Variants in TFEC observed in about 807,000 individuals in gnomAD.
The protein encoded by TFEC is class E basic helix-loop-helix protein 34.
A neutral mutation model predicts 41.6 loss-of-function variants in TFEC; 31 were observed. The observed-to-expected ratio is 0.74, with a 90% CI of 0.56 to 1.01. TFEC has a LOEUF of 1.01. Ranked by LOEUF, TFEC falls within the 50% of genes least tolerant of loss-of-function variation. The probability of loss-of-function intolerance (pLI) is 0.00; values close to 1 mark genes in which losing one functional copy is unlikely to be tolerated. For synonymous variants in TFEC, 143 were observed against 140.6 expected, an observed-to-expected ratio of 1.02 and a Z score of -0.12; for missense variants, 402 against 404.1, an observed-to-expected ratio of 0.99 and a Z score of 0.04.
At chr7:116,061,464 T>C (rs1485296349) in intron 3 of TFEC, among the ~76,000 whole-genome samples, 1 of 152,084 alleles carries the variant, frequency 6.6e-6, no homozygotes, top group Admixed American at 6.6e-5. Flanking sequence ...TCAAAATGGA[T>C]CATAGACTTA....
intron 3 of TFEC, among the ~76,000 whole-genome samples, chr7:116,078,235 A>G (rs1475457033): frequency 6.6e-6 from 1 of 151,954 alleles, no homozygotes; most frequent in East Asian, 1.9e-4. Flanking sequence ...ATCAAAGAGT[A>G]TTAAAAAGCA....
chr7:116,034,094 T>A (rs1057502561), upstream of TFEC, among the ~76,000 whole-genome samples: 2 of 152,258 alleles, frequency 1.3e-5, no homozygotes, highest in East Asian at 3.9e-4. Context: ...ATGCCCTTTT[T>A]ATGGGTTTTC....
At chr7:116,012,933 A>G (rs1191844225) in intron 1 of TFEC, among the ~76,000 whole-genome samples, 1 of 151,942 alleles carries the variant, frequency 6.6e-6, no homozygotes, top group African/African-American at 2.4e-5. Context: ...TCATCAATTA[A>G]TGAAGTCATT....
At chr7:116,159,242 TAAG>T (rs886391268) in intron 1 of TFEC, among the ~76,000 whole-genome samples, 29 of 152,124 alleles carry the variant, frequency 1.9e-4, no homozygotes, top group African/African-American at 6.7e-4. Context: ...TGCCCTACTT[TAAG>T]AATATAGAAT....
At chr7:116,096,489 T>C (rs1201690271) in intron 3 of TFEC, among the ~76,000 whole-genome samples, 2 of 152,220 alleles carry the variant, frequency 1.3e-5, no homozygotes, top group African/African-American at 4.8e-5. Flanking sequence ...TTCATTGTTT[T>C]GGATTTTAGC....
At chr7:116,095,390 G>A (rs1419801771) in intron 3 of TFEC, among the ~76,000 whole-genome samples, 2 of 152,190 alleles carry the variant, frequency 1.3e-5, no homozygotes, top group Admixed American at 1.3e-4. Context: ...TGTAGCAAAT[G>A]TGCTAGCATG....
intron 2 of TFEC, among the ~76,000 whole-genome samples, chr7:115,974,921 G>A (rs537795892): frequency 6.6e-6 from 1 of 152,058 alleles, no homozygotes; most frequent in East Asian, 1.9e-4. Flanking sequence ...TACCAGGCAT[G>A]CTTCTAAGTG....
chr7:116,034,596 C>T (rs372346779), upstream of TFEC, among the ~76,000 whole-genome samples: 25 of 151,830 alleles, frequency 1.6e-4, 1 homozygote, highest in East Asian at 2.9e-3. Flanking sequence ...TCAAAGCTAA[C>T]CTCATCTCTC....
chr7:116,138,580 A>G (rs1798480285), intron 1 of TFEC, among the ~76,000 whole-genome samples: 1 of 152,220 alleles, frequency 6.6e-6, no homozygotes. Context: ...TGTCTAAGAG[A>G]CAGAATATAA....
intron 3 of TFEC, among the ~76,000 whole-genome samples, chr7:116,062,560 C>CACATATAT (rs1554411810): frequency 9.8e-6 from 1 of 101,684 alleles, no homozygotes; most frequent in Non-Finnish European, 2.0e-5. Context: ...GAGTAGTACT[C>CACATATAT]ATATATATAT....
chr7:116,148,339 T>C (rs571304391), intron 1 of TFEC, among the ~76,000 whole-genome samples: 1 of 152,252 alleles, frequency 6.6e-6, no homozygotes, highest in South Asian at 2.1e-4. Context: ...TATAGTGCTA[T>C]GGGTGGGGTG....
chr7:115,943,345 T>A (rs1793603198), intron 6 of TFEC, among the ~76,000 whole-genome samples: 1 of 151,738 alleles, frequency 6.6e-6, no homozygotes, highest in African/African-American at 2.4e-5. Context: ...AAAATTTAAG[T>A]AGTAGCAAAA....
chr7:116,103,895 T>C (rs1161042011), intron 3 of TFEC, among the ~76,000 whole-genome samples: 2 of 152,186 alleles, frequency 1.3e-5, no homozygotes, highest in African/African-American at 2.4e-5. Flanking sequence ...AGGTCGCTAC[T>C]AGTTATAATA....
chr7:116,009,059 T>C (rs1794906659), intron 1 of TFEC, among the ~76,000 whole-genome samples: 1 of 152,188 alleles, frequency 6.6e-6, no homozygotes, highest in African/African-American at 2.4e-5. Flanking sequence ...ATTCTTGCAC[T>C]TGACGAACAC....
rs573846798 is a variant in TFEC, at chr7:116,159,766, T to C, written c.-69+24A>G. 116 of 152,266 alleles carry C rather than the reference T, an allele frequency of 7.6e-4. 1 individual carries two copies. The highest frequency in any genetic ancestry group is 2.6e-3 in the African/African-American group (110 of 41,586). The allele number at this position is 152,266 out of a possible 1,614,324, so 9.4% of individuals were successfully genotyped here. ...TGATTTTATACTTTGTAGTTCCAAT[T>C]AAATAATTCAGAGGAAAAATTACCT... On this transcript the variant is annotated intron_variant, in intron 1 of 8. Coordinates refer to the TFEC transcript ENST00000484212.
intron 6 of TFEC, among the ~76,000 whole-genome samples, chr7:115,950,251 A>T (rs372828647): frequency 2.0e-5 from 3 of 152,078 alleles, no homozygotes; most frequent in Non-Finnish European, 2.9e-5. Context: ...ACCTCAAGTG[A>T]TCTGCCTGCC....
At chr7:116,087,235 T>C (rs1217526280) in intron 3 of TFEC, among the ~76,000 whole-genome samples, 1 of 152,024 alleles carries the variant, frequency 6.6e-6, no homozygotes, top group African/African-American at 2.4e-5. Flanking sequence ...GAATAAACTA[T>C]ATAAAAAACT....
chr7:116,103,089 A>G (rs1797639894), intron 3 of TFEC, among the ~76,000 whole-genome samples: 1 of 152,188 alleles, frequency 6.6e-6, no homozygotes. Flanking sequence ...TTGTGTAGAA[A>G]ATAAGACAGG....
intron 3 of TFEC, among the ~76,000 whole-genome samples, chr7:116,040,658 T>C (rs898126185): frequency 4.1e-4 from 62 of 152,188 alleles, no homozygotes; most frequent in Admixed American, 9.2e-4. Context: ...CCCAGATCAA[T>C]GACACTGAAC....
Sources: allele counts gnomAD v4.1 joint callset (sites outside exome capture counted in the v4.1 genomes callset), GRCh38; gene constraint gnomAD v4.1.1; transcripts MANE v1.5; gene names NCBI Gene and HGNC (gene_info 2026-07-23, HGNC 2026-07-21).